Variants in MMAB observed in about 807,000 individuals in gnomAD.
MMAB encodes the protein metabolism of cobalamin associated B.
Under a neutral mutation model 30.6 loss-of-function variants are expected in MMAB, and 17 were observed. The ratio of observed to expected loss-of-function variants is 0.56; its 90% CI spans 0.38 to 0.83. The LOEUF (loss-of-function observed/expected upper bound fraction) is 0.83, where lower values mean the gene tolerates loss of function less well. MMAB is among the 40% of genes least tolerant of loss of function. The pLI is 0.00. For missense variants in MMAB, 311 were observed against 331.6 expected, an observed-to-expected ratio of 0.94 and a Z score of 0.48; for synonymous variants, 134 against 138.6, an observed-to-expected ratio of 0.97 and a Z score of 0.23.
intron 2 of MMAB, among the ~76,000 whole-genome samples, chr12:109,571,222 C>G (rs1377159877): frequency 6.6e-6 from 1 of 151,854 alleles, no homozygotes; most frequent in African/African-American, 2.4e-5. Context: ...ATTTTGAGAT[C>G]TGTCAAATAT....
rs1257904470 is a variant in MMAB, at chr12:109,556,543, T to C, written c.*485A>G. On this transcript the variant is annotated 3_prime_UTR_variant, in exon 9 of 9. Transcript: ENST00000545712. ...CGCCTTCCCCTTTACAAATGTGACA[T>C]TTAAAGCACCTTTGGCACAGGTAAA... 5 of 453,914 alleles carry C rather than the reference T, an allele frequency of 1.1e-5. No individual in the cohort carries two copies. The highest frequency in any genetic ancestry group is 2.2e-5 in the Non-Finnish European group (5 of 226,852). The allele number at this position is 453,914 out of a possible 1,614,324, so 28.1% of individuals were successfully genotyped here. A position where few individuals can be genotyped will look rare whatever the true frequency, so the allele number is the denominator to read the frequency against.
chr12:109,560,386 T>A (rs1414653177), intron 7 of MMAB, among the ~76,000 whole-genome samples: 2 of 152,184 alleles, frequency 1.3e-5, no homozygotes, highest in Admixed American at 6.5e-5. Context: ...AAGGAGTAAA[T>A]GAAATTATGA....
rs541335876 is a variant in MMAB at position 109,563,685 on chromosome 12, C to T, written c.348+1434G>A. 1.2e-4 allele frequency among the ~76,000 whole-genome samples: 18 copies of T among 152,348 alleles called. No homozygotes were observed. The South Asian group carries it at 1.2e-3, about 11-fold the overall frequency. Reference sequence around the variant, plus strand: ...CAGACAGAAATGACCGCTGCTACCGCGGCTCCTCAGGAGGTTGAAAGCCTT... The same window carrying T: ...CAGACAGAAATGACCGCTGCTACCGTGGCTCCTCAGGAGGTTGAAAGCCTT... On this transcript the variant is annotated intron_variant, in intron 4 of 8. Transcript: ENST00000545712.
Position 109,568,754 on chromosome 12 carries a change from A to G in MMAB, c.290+16T>C, listed in dbSNP as rs1164278525. The G allele has an allele frequency of 2.5e-6, 4 of 1,604,294 alleles. No individual in the cohort carries two copies. In the African/African-American group the frequency reaches 5.4e-5, roughly 21 times the overall value. ...CGACTCAAACGCAACCTCAAGGCCA[A>G]TCCTGTCCCCCTTACCCAATAGCTG... On this transcript the variant is annotated intron_variant, in intron 3 of 8. Coordinates refer to ENST00000545712, the MANE Select transcript of MMAB (RefSeq NM_052845.4).
chr12:109,562,654 T>A lies in MMAB; in HGVS notation c.349-802A>T, dbSNP rs76502926. On this transcript the variant is annotated intron_variant, in intron 4 of 8. Coordinates refer to ENST00000545712, the MANE Select transcript of MMAB (RefSeq NM_052845.4). ...TCTCAACATTTGACAGCTTTGGTTT[T>A]CTAACCTGTAACAGTTGGGCCAAGA... 9.3e-3 allele frequency among the ~76,000 whole-genome samples: 1,417 copies of A among 152,364 alleles called. 18 individuals carry two copies. Among genetic ancestry groups the A allele is most frequent in the African/African-American group, 0.032 (1,336 of 41,592 alleles).
Position 109,555,275 on chromosome 12 carries a change from G to GTGTTTTTTTTTTTTT in MMAB, c.*1752_*1753insAAAAAAAAAAAAACA. On this transcript the variant is annotated 3_prime_UTR_variant, in exon 9 of 9. Coordinates refer to ENST00000545712, the MANE Select transcript of MMAB (RefSeq NM_052845.4). ...GAGCCTTAGTGATTGCGTTTTCAGGGTTTTTTTTTTTTTTTTTTTTTTTTT... is the reference window on the plus strand; with the variant it reads ...GAGCCTTAGTGATTGCGTTTTCAGGGTGTTTTTTTTTTTTTTTTTTTTTTTTTTTTTTTTTTTTTT... 2.9e-6 allele frequency: 1 copy of GTGTTTTTTTTTTTTT among 340,818 alleles called. No homozygotes were observed. Among genetic ancestry groups the GTGTTTTTTTTTTTTT allele is most frequent in the Non-Finnish European group, 5.3e-6 (1 of 189,174 alleles). The allele number at this position is 340,818 out of a possible 1,614,324, so 21.1% of individuals were successfully genotyped here.
chr12:109,564,084 G>A (rs898024529), intron 4 of MMAB, among the ~76,000 whole-genome samples: 11 of 152,356 alleles, frequency 7.2e-5, no homozygotes, highest in Admixed American at 2.6e-4. Flanking sequence ...GGGCATGAGC[G>A]AGGCACTTCA....
At chr12:109,565,198 A>T in intron 3 of MMAB, 22 bp from the exon 4 acceptor site, 1 of 1,602,486 alleles carries the variant, frequency 6.2e-7, no homozygotes, top group Non-Finnish European at 8.5e-7. Flanking sequence ...AAGGAAAAAG[A>T]ATTTGCCTGT....
intron 4 of MMAB, chr12:109,564,894 C>T: frequency 1.6e-6 from 1 of 636,524 alleles, no homozygotes; most frequent in South Asian, 1.8e-5. Flanking sequence ...ACCTAGGCTC[C>T]TGGCCTCAAG....
rs2136188350 is a variant in MMAB, at chr12:109,554,370, C to A, written c.*2658G>T. 2.2e-6 allele frequency: 1 copy of A among 454,074 alleles called. No homozygotes were observed. The highest frequency in any genetic ancestry group is 6.9e-4 in the Middle Eastern group (1 of 1,444). The allele number at this position is 454,074 out of a possible 1,614,324, so 28.1% of individuals were successfully genotyped here. ...TTGTCTCTGGAAATGACACTAAACACCCCATTCCAGGGAGCCTGACCTGGA... is the reference window on the plus strand; with the variant it reads ...TTGTCTCTGGAAATGACACTAAACAACCCATTCCAGGGAGCCTGACCTGGA... On this transcript the variant is annotated 3_prime_UTR_variant, in exon 9 of 9. Transcript: ENST00000545712.
Position 109,555,147 on chromosome 12 carries a change from GTTATT to G in MMAB, c.*1876_*1880del, listed in dbSNP as rs1265487740. The G allele has an allele frequency of 4.5e-6, 2 of 448,660 alleles. No individual in the cohort carries two copies. Among genetic ancestry groups the G allele is most frequent in the Admixed American group, 2.4e-5 (1 of 42,042 alleles). 27.8% of individuals were successfully genotyped at this position (448,660 alleles called of 1,614,324 possible). A position where few individuals can be genotyped will look rare whatever the true frequency, so the allele number is the denominator to read the frequency against. On this transcript the variant is annotated 3_prime_UTR_variant, in exon 9 of 9. Transcript: ENST00000545712. Reference sequence around the variant, plus strand: ...ATGGCTAGGCATGCAGGGCTGCTGTGTTATTTTATATATATATATATATTCCAGGA... The same window carrying G: ...ATGGCTAGGCATGCAGGGCTGCTGTGTTATATATATATATATATTCCAGGA...
chr12:109,553,820 C>T lies in MMAB; in HGVS notation c.*3208G>A, dbSNP rs1359944588. 4.4e-6 allele frequency: 2 copies of T among 452,764 alleles called. No individual in the cohort carries two copies. Among genetic ancestry groups the T allele is most frequent in the Non-Finnish European group, 8.9e-6 (2 of 225,774 alleles). 28.0% of individuals were successfully genotyped at this position (452,764 alleles called of 1,614,324 possible). On this transcript the variant is annotated 3_prime_UTR_variant, in exon 9 of 9. Transcript: ENST00000545712. ...TTCAGTAGTGATCACTGGGACAGGG[C>T]GATCATAAAACTGAATGGGCTGTCG...
In MMAB at chr12:109,553,852, G is replaced by A. The variant is rs1199874841; in HGVS notation, c.*3176C>T. 1 of 453,992 alleles carries A rather than the reference G, an allele frequency of 2.2e-6. No homozygotes were observed. Among genetic ancestry groups the A allele is most frequent in the Non-Finnish European group, 4.4e-6 (1 of 226,772 alleles). The allele number at this position is 453,992 out of a possible 1,614,324, so 28.1% of individuals were successfully genotyped here. ...AAAACTGAATGGGCTGTCGGAAGGTGTCGAGGCAGCAGCAAGGGTGACATT... is the reference window on the plus strand; with the variant it reads ...AAAACTGAATGGGCTGTCGGAAGGTATCGAGGCAGCAGCAAGGGTGACATT... On this transcript the variant is annotated 3_prime_UTR_variant, in exon 9 of 9. Transcript: ENST00000545712.
rs1592996077 is a variant in MMAB, at chr12:109,559,095, C to T, written c.644+1G>A. 1 of 1,613,182 alleles carries T rather than the reference C, an allele frequency of 6.2e-7. No individual in the cohort carries two copies. On this transcript the variant is annotated splice_donor_variant, in intron 8 of 8. Coordinates refer to ENST00000545712, the MANE Select transcript of MMAB (RefSeq NM_052845.4). LOFTEE classifies it high-confidence loss of function. ...GGAACCCCCAGGTTCCACGCGAGTA[C>T]CTGTTTAAGAACTTGGCCACGTTCG...
rs770077320 is a variant in MMAB, at chr12:109,573,426, GCAGGCCAAGACGGCTCCC to G, written c.37_54del (p.Gly13_Leu18del). ...AGCCTGGCGGCGCCGAAGCACCCGC[GCAGGCCAAGACGGCTCCC>G]CAGGCCAAGACGGCTCCCCAGGCCG... is the stretch of plus-strand genomic sequence containing the variant. On this transcript the variant is annotated inframe_deletion, in exon 1 of 9. Transcript: ENST00000545712. The G allele has an allele frequency of 9.8e-5, 157 of 1,607,468 alleles. No homozygotes were observed. The highest frequency in any genetic ancestry group is 2.1e-4 in the South Asian group (19 of 90,414).
At position 109,569,248 on chromosome 12, in the gene MMAB, T is replaced by TA. The variant is rs1884552384; in HGVS notation, c.197-386dup. ...AGGCATGAGCCACCGTACCACCCCTTAAAGAACTTTCAACTTGAAATATAG... is the reference window on the plus strand; with the variant it reads ...AGGCATGAGCCACCGTACCACCCCTTAAAAGAACTTTCAACTTGAAATATAG... On this transcript the variant is annotated intron_variant, in intron 2 of 8. Transcript: ENST00000545712. The surrounding 1 kb of genome is among the most constrained non-coding windows in gnomAD (Gnocchi z 4.1). Among the ~76,000 whole-genome samples the TA allele has an allele frequency of 6.6e-6, 1 of 152,154 alleles. No homozygotes were observed. Among genetic ancestry groups the TA allele is most frequent in the African/African-American group, 2.4e-5 (1 of 41,432 alleles).
In MMAB at chr12:109,556,901, T is replaced by C. The variant is rs1040860424; in HGVS notation, c.*127A>G. On this transcript the variant is annotated 3_prime_UTR_variant, in exon 9 of 9. Transcript: ENST00000545712. ...CAAGAGGTGTAGATCAAAGCTGAGC[T>C]GGGACAAAAGGCTGCTTTGAGCCTC... 1.3e-5 allele frequency: 9 copies of C among 688,074 alleles called. No homozygotes were observed. Among genetic ancestry groups the C allele is most frequent in the Admixed American group, 1.0e-4 (5 of 48,460 alleles). The allele number at this position is 688,074 out of a possible 1,614,324, so 42.6% of individuals were successfully genotyped here.
In MMAB at chr12:109,569,004, G is replaced by T; in HGVS notation, c.197-141C>A. On this transcript the variant is annotated intron_variant, in intron 2 of 8. Coordinates refer to ENST00000545712, the MANE Select transcript of MMAB (RefSeq NM_052845.4). This position sits in a 1 kb window ranked among gnomAD's most constrained non-coding sequence, Gnocchi z 4.1. ...TCTGTCATCCAGGCTGGAGTACAGC[G>T]GCGTGATCTTGGCTCACTGCAGCCT... is the stretch of plus-strand genomic sequence containing the variant. 1 of 707,914 alleles carries T rather than the reference G, an allele frequency of 1.4e-6. No individual in the cohort carries two copies. The allele number at this position is 707,914 out of a possible 1,614,324, so 43.9% of individuals were successfully genotyped here.
chr12:109,567,584 A>G (rs1884481535), intron 3 of MMAB, among the ~76,000 whole-genome samples: 1 of 151,996 alleles, frequency 6.6e-6, no homozygotes, highest in Non-Finnish European at 1.5e-5. Flanking sequence ...TGTGCACGTG[A>G]CAGGCTCTGG....
Sources: gnomAD v4.1 joint callset for allele counts (sites outside exome capture counted in the v4.1 genomes callset) on GRCh38, gnomAD v4.1.1 for gene constraint, Gnocchi (gnomAD v3.1) non-coding constraint, MANE v1.5 for transcripts, NCBI Gene and HGNC (gene_info 2026-07-23, HGNC 2026-07-21) for gene names.